The following METTL6 variants were observed in gnomAD, a reference collection of about 807,000 sequenced individuals.
METTL6 encodes tRNA N(3)-cytidine methyltransferase METTL6.
METTL6 carries 22 observed loss-of-function variants against 26.4 expected under a neutral mutation model. That is an observed-to-expected ratio of 0.83 (90% CI 0.59 to 1.19). METTL6 has a LOEUF of 1.19. Among genes scored for constraint, METTL6 ranks in the 50% most tolerant of loss-of-function variants. METTL6 has a pLI of 0.00. For synonymous variants in METTL6, 109 were observed against 116.2 expected (o/e 0.94, Z 0.40); for missense variants, 304 against 324.8 (o/e 0.94, Z 0.49).
intron 3 of METTL6, among the ~76,000 whole-genome samples, chr3:15,424,002 T>C (rs2061665356): frequency 6.6e-6 from 1 of 151,366 alleles, no homozygotes; most frequent in African/African-American, 2.4e-5. Flanking sequence ...AGCCCAGGAG[T>C]TTGAGACCAT....
At chr3:15,389,259 G>A (rs957721137) in intron 6 of METTL6, among the ~76,000 whole-genome samples, 4 of 151,786 alleles carry the variant, frequency 2.6e-5, no homozygotes, top group African/African-American at 9.7e-5. Flanking sequence ...TCCCCAAAGT[G>A]CTCTTTGGAA....
rs1177951721 is a variant in METTL6 at position 15,424,973 on chromosome 3, T to C, written c.342A>G (p.Arg114=). ...IFAYACDFSP[R]AIEYVKQNPL... is the part of the protein sequence containing the mutation. ...CACCAACCTTAACATATTCAATGGCTCTTGGAGAAAAATCACAGGCATAGG... is the reference window on the plus strand; with the variant it reads ...CACCAACCTTAACATATTCAATGGCCCTTGGAGAAAAATCACAGGCATAGG... Residue 114 remains arginine (R), a synonymous_variant, in exon 3 of 6, where the codon AGA becomes AGG. Coordinates refer to ENST00000383790, the MANE Select transcript of METTL6 (RefSeq NM_152396.4). 1 of 1,614,000 alleles carries C rather than the reference T, an allele frequency of 6.2e-7. No individual in the cohort carries two copies. The highest frequency in any genetic ancestry group is 1.3e-5 in the African/African-American group (1 of 74,908).
At chr3:15,394,589 TAGG>T (rs1357681921) in intron 6 of METTL6, among the ~76,000 whole-genome samples, 1 of 152,246 alleles carries the variant, frequency 6.6e-6, no homozygotes, top group Non-Finnish European at 1.5e-5. Flanking sequence ...ATTGTGACGT[TAGG>T]GTGTCAATTT....
At chr3:15,415,436 C>CT in intron 4 of METTL6, 1 of 1,470,266 alleles carries the variant, frequency 6.8e-7, no homozygotes, top group Admixed American at 2.0e-5. Context: ...GGATTACAGG[C>CT]ATGAAACACC....
At chr3:15,388,073 A>G (rs1274973965) in intron 6 of METTL6, among the ~76,000 whole-genome samples, 1 of 149,232 alleles carries the variant, frequency 6.7e-6, no homozygotes, top group African/African-American at 2.5e-5. Flanking sequence ...CTCCCTCAGT[A>G]TTTGGAAATA....
chr3:15,406,985 C>T (rs957626057), downstream of METTL6, among the ~76,000 whole-genome samples: 6 of 151,566 alleles, frequency 4.0e-5, no homozygotes, highest in East Asian at 1.9e-4. Context: ...TGTCAGAGGT[C>T]GGCATGTCAT....
At chr3:15,396,421 T>G (rs1699489494) in intron 6 of METTL6, among the ~76,000 whole-genome samples, 2 of 152,202 alleles carry the variant, frequency 1.3e-5, no homozygotes, top group Admixed American at 1.3e-4. Flanking sequence ...TTAACTTCTT[T>G]GCCATGGGTT....
downstream of METTL6, among the ~76,000 whole-genome samples, chr3:15,406,422 T>G (rs888365694): frequency 5.9e-5 from 9 of 151,774 alleles, no homozygotes; most frequent in African/African-American, 2.2e-4. Context: ...GCCTTTAATA[T>G]GCTTGTGAAC....
chr3:15,391,357 C>A (rs572727163), intron 6 of METTL6, among the ~76,000 whole-genome samples: 1 of 152,146 alleles, frequency 6.6e-6, no homozygotes, highest in East Asian at 1.9e-4. Context: ...TCAATGGCAG[C>A]GGGGGAGATG....
intron 6 of METTL6, among the ~76,000 whole-genome samples, chr3:15,386,771 T>C (rs558786695): frequency 6.6e-6 from 1 of 151,760 alleles, no homozygotes; most frequent in East Asian, 1.9e-4. Flanking sequence ...AGGAAGCTGC[T>C]GATTACCAGT....
intron 3 of METTL6, among the ~76,000 whole-genome samples, chr3:15,424,754 T>A (rs1471529784): frequency 6.6e-6 from 1 of 152,238 alleles, no homozygotes; most frequent in Admixed American, 6.5e-5. Flanking sequence ...GTTATTATGG[T>A]ATTTTTTCCT....
chr3:15,400,737 G>T (rs1176762762), intron 6 of METTL6, among the ~76,000 whole-genome samples: 3 of 152,154 alleles, frequency 2.0e-5, no homozygotes, highest in Non-Finnish European at 4.4e-5. Flanking sequence ...AAAGTATAAA[G>T]AAGAAAAGCA....
rs182076297 is a variant in METTL6, at chr3:15,412,561, T to C, written c.674-1124A>G. ...GGGCAGTGGTATGATCATAGCTCAC[T>C]GCAGCCTCCATCTTCTGGGGCCAAA... On this transcript the variant is annotated intron_variant, in intron 5 of 5. Transcript: ENST00000383790. 1.1e-4 allele frequency among the ~76,000 whole-genome samples: 17 copies of C among 152,256 alleles called. No individual in the cohort carries two copies. In the East Asian group the frequency reaches 3.3e-3, roughly 29 times the overall value.
intron 5 of METTL6, among the ~76,000 whole-genome samples, chr3:15,411,774 T>C (rs112108800): frequency 6.6e-6 from 1 of 151,224 alleles, no homozygotes; most frequent in Admixed American, 6.6e-5. Flanking sequence ...TAAAAAAAAA[T>C]TTTTTTTTGA....
chr3:15,400,793 G>C (rs1699619027), intron 6 of METTL6, among the ~76,000 whole-genome samples: 1 of 152,154 alleles, frequency 6.6e-6, no homozygotes, highest in South Asian at 2.1e-4. Flanking sequence ...TAACTGTTTT[G>C]GATTGCTTCC....
At chr3:15,423,512 T>C (rs922238689) in intron 3 of METTL6, among the ~76,000 whole-genome samples, 4 of 152,132 alleles carry the variant, frequency 2.6e-5, no homozygotes, top group African/African-American at 9.7e-5. Flanking sequence ...GAGGGAGGAT[T>C]GCTTGAGCTC....
Position 15,409,872 on chromosome 3 carries a change from A to G in METTL6, c.*1384T>C, listed in dbSNP as rs1415245534. On this transcript the variant is annotated 3_prime_UTR_variant, in exon 6 of 6. Coordinates refer to ENST00000383790, the MANE Select transcript of METTL6 (RefSeq NM_152396.4). Reference sequence around the variant, plus strand: ...TGGGCAAATATGACACTCGAAAAAGAAGAAAACAGAACACTCCTTTAGGCT... The same window carrying G: ...TGGGCAAATATGACACTCGAAAAAGGAGAAAACAGAACACTCCTTTAGGCT... 6.6e-6 allele frequency among the ~76,000 whole-genome samples: 1 copy of G among 152,230 alleles called. No homozygotes were observed. The highest frequency in any genetic ancestry group is 2.1e-4 in the South Asian group (1 of 4,832).
intron 6 of METTL6, among the ~76,000 whole-genome samples, chr3:15,402,933 C>A (rs1293285042): frequency 1.3e-5 from 2 of 152,120 alleles, no homozygotes; most frequent in East Asian, 3.8e-4. Flanking sequence ...CAGGAAAGAG[C>A]TGTTATCATC....
chr3:15,408,856 G>A (rs1056316352), downstream of METTL6, among the ~76,000 whole-genome samples: 3 of 152,108 alleles, frequency 2.0e-5, no homozygotes, highest in Non-Finnish European at 4.4e-5. Context: ...AGAAACATTG[G>A]TCAGACCTAG....
Sources: allele counts gnomAD v4.1 joint callset (sites outside exome capture counted in the v4.1 genomes callset), GRCh38; gene constraint gnomAD v4.1.1; transcripts MANE v1.5; gene names NCBI Gene and HGNC (gene_info 2026-07-23, HGNC 2026-07-21).